FGD4: variants seen among roughly 807,000 people sequenced by gnomAD.
The protein encoded by FGD4 is FYVE, RhoGEF and PH domain-containing protein 4.
A neutral mutation model predicts 102.0 loss-of-function variants in FGD4; 42 were observed. The observed-to-expected ratio is 0.41, with a 90% CI of 0.32 to 0.53. The LOEUF (loss-of-function observed/expected upper bound fraction) is 0.53, where lower values mean the gene tolerates loss of function less well. Ranked by LOEUF, FGD4 falls within the 20% of genes least tolerant of loss-of-function variation. The probability of loss-of-function intolerance (pLI) is 0.21; values close to 1 mark genes in which losing one functional copy is unlikely to be tolerated. For missense variants in FGD4, 902 were observed against 1,078.2 expected, an observed-to-expected ratio of 0.84 and a Z score of 2.29; for synonymous variants, 380 against 375.7, an observed-to-expected ratio of 1.01 and a Z score of -0.13.
intron 1 of FGD4, among the ~76,000 whole-genome samples, chr12:32,527,752 A>G (rs1344997112): frequency 6.6e-6 from 1 of 151,960 alleles, no homozygotes; most frequent in Non-Finnish European, 1.5e-5. Flanking sequence ...TAATGTAGTA[A>G]GTCAACCACG....
intron 11 of FGD4, among the ~76,000 whole-genome samples, chr12:32,624,174 A>G (rs1197698292): frequency 6.6e-6 from 1 of 152,230 alleles, no homozygotes; most frequent in East Asian, 1.9e-4. Context: ...ATTAAACAGT[A>G]TATAAATGGA....
intron 1 of FGD4, among the ~76,000 whole-genome samples, chr12:32,563,734 T>TC (rs1000629730): frequency 1.3e-5 from 2 of 152,082 alleles, no homozygotes; most frequent in Admixed American, 6.5e-5. Context: ...TGAACCAGAC[T>TC]CCATCTGCAA....
Position 32,625,743 on chromosome 12 carries a change from G to A in FGD4, c.2136G>A (p.Leu712=). The part of the protein sequence containing the change: ...CMKCKEPFNA[L]TRRRHHCRAC... ...AATGTAAAGAACCTTTCAATGCACT[G>A]ACACGAAGGAGGCATCATTGTCGAG... is the stretch of plus-strand genomic sequence containing the variant. Residue 712 remains leucine, a synonymous_variant, in exon 14 of 17, where the codon CTG becomes CTA. Transcript: ENST00000534526. 2 of 1,614,006 alleles carry A rather than the reference G, an allele frequency of 1.2e-6. No homozygotes were observed. The highest frequency in any genetic ancestry group is 2.2e-5 in the East Asian group (1 of 44,870).
intron 14 of FGD4, among the ~76,000 whole-genome samples, chr12:32,630,202 A>G (rs1479326157): frequency 2.0e-5 from 3 of 152,226 alleles, no homozygotes; most frequent in African/African-American, 4.8e-5. Flanking sequence ...AACGTAAAGA[A>G]GCAAAGCATT....
intron 1 of FGD4, among the ~76,000 whole-genome samples, chr12:32,529,897 G>A (rs984240931): frequency 1.3e-5 from 2 of 151,244 alleles, no homozygotes; most frequent in Non-Finnish European, 2.9e-5. Context: ...AGTATGTTAG[G>A]TTAATTGGGA....
At position 32,640,928 on chromosome 12, in the gene FGD4, A is replaced by C; in HGVS notation, c.*395A>C. On this transcript the variant is annotated 3_prime_UTR_variant, in exon 17 of 17. Coordinates refer to ENST00000534526, the MANE Select transcript of FGD4 (RefSeq NM_001370298.3). ...GAAAGATATACCTCCATGTTGCCAA[A>C]ATAGATCCATGGTGAAAAATACAGG... The C allele has an allele frequency of 2.9e-6, 1 of 343,752 alleles. No individual in the cohort carries two copies. Among genetic ancestry groups the C allele is most frequent in the Non-Finnish European group, 5.3e-6 (1 of 188,038 alleles). 21.3% of individuals were successfully genotyped at this position (343,752 alleles called of 1,614,324 possible).
At chr12:32,472,614 G>A (rs1454812780) in intron 1 of FGD4, among the ~76,000 whole-genome samples, 4 of 152,228 alleles carry the variant, frequency 2.6e-5, no homozygotes, top group Non-Finnish European at 4.4e-5. Context: ...CCTCCCGGAC[G>A]AGCACCACCC....
At chr12:32,513,989 G>A (rs531063752) in intron 1 of FGD4, among the ~76,000 whole-genome samples, 1 of 152,256 alleles carries the variant, frequency 6.6e-6, no homozygotes, top group East Asian at 1.9e-4. Flanking sequence ...AAAGTAAAGT[G>A]TAACAATAAA....
intron 2 of FGD4, among the ~76,000 whole-genome samples, chr12:32,569,970 T>C (rs890521347): frequency 2.6e-5 from 4 of 152,020 alleles, no homozygotes; most frequent in African/African-American, 9.7e-5. Context: ...AAGCTGGGCG[T>C]GGTGGCTCAC....
intron 1 of FGD4, among the ~76,000 whole-genome samples, chr12:32,429,209 A>G (rs759652331): frequency 6.6e-6 from 1 of 152,068 alleles, no homozygotes; most frequent in African/African-American, 2.4e-5. Context: ...TGGGGTTTCT[A>G]TGTGAACATC....
At chr12:32,515,811 T>G (rs541921354) in intron 1 of FGD4, among the ~76,000 whole-genome samples, 1 of 152,356 alleles carries the variant, frequency 6.6e-6, no homozygotes, top group East Asian at 1.9e-4. Flanking sequence ...ATGTAGGTAC[T>G]TGTGTCTTTT....
In FGD4 at chr12:32,492,126, G is replaced by A. The variant is rs1343249666; in HGVS notation, c.167-72011G>A. Among the ~76,000 whole-genome samples, 3 of 152,298 alleles carry A rather than the reference G, an allele frequency of 2.0e-5. No homozygotes were observed. The South Asian group carries it at 6.2e-4, about 32-fold the overall frequency. ...ACCTGTAGGAGGAAACTGTACATCA[G>A]CTGAGAGGTCTTCTTTGAATCAGGT... On this transcript the variant is annotated intron_variant, in intron 1 of 16. Coordinates refer to ENST00000534526, the MANE Select transcript of FGD4 (RefSeq NM_001370298.3).
At chr12:32,435,902 A>G (rs1942213509) in intron 1 of FGD4, among the ~76,000 whole-genome samples, 1 of 152,226 alleles carries the variant, frequency 6.6e-6, no homozygotes, top group Non-Finnish European at 1.5e-5. Context: ...TGAGAACATA[A>G]CTAACCAATA....
chr12:32,503,546 T>C (rs918724887), intron 1 of FGD4, among the ~76,000 whole-genome samples: 4 of 152,236 alleles, frequency 2.6e-5, no homozygotes, highest in Non-Finnish European at 5.9e-5. Flanking sequence ...GTGTTAATTG[T>C]AGTTGACTTT....
chr12:32,563,438 G>A (rs989464598), intron 1 of FGD4, among the ~76,000 whole-genome samples: 1 of 151,960 alleles, frequency 6.6e-6, no homozygotes, highest in Admixed American at 6.5e-5. Context: ...GTTCCTAGAT[G>A]GGATGGCGGC....
chr12:32,530,247 C>T (rs551100605), intron 1 of FGD4, among the ~76,000 whole-genome samples: 1 of 152,258 alleles, frequency 6.6e-6, no homozygotes, highest in African/African-American at 2.4e-5. Context: ...CTTTGGGAGG[C>T]TGAGGCAGGC....
intron 1 of FGD4, among the ~76,000 whole-genome samples, chr12:32,433,895 C>CA (rs1942137466): frequency 6.6e-6 from 1 of 151,528 alleles, no homozygotes; most frequent in African/African-American, 2.4e-5. Context: ...CTTGCTCTGT[C>CA]GCCAGGCTGG....
In FGD4 at chr12:32,399,674, G is replaced by T; in HGVS notation, c.-120G>T. 1 of 1,449,348 alleles carries T rather than the reference G, an allele frequency of 6.9e-7. No homozygotes were observed. The highest frequency in any genetic ancestry group is 2.7e-5 in the East Asian group (1 of 36,732). The allele number at this position is 1,449,348 out of a possible 1,614,324, so 89.8% of individuals were successfully genotyped here. A position where few individuals can be genotyped will look rare whatever the true frequency, so the allele number is the denominator to read the frequency against. On this transcript the variant is annotated 5_prime_UTR_variant, in exon 1 of 17. Coordinates refer to ENST00000534526, the MANE Select transcript of FGD4 (RefSeq NM_001370298.3). ...AGGAGGCACTCGCTGAGGAGACGCC[G>T]CAGTAGAGGGCGCCCCCGGAGTCGC...
chr12:32,594,923 TGGG>T (rs1592337843), intron 4 of FGD4, among the ~76,000 whole-genome samples: 1 of 150,986 alleles, frequency 6.6e-6, no homozygotes, highest in Non-Finnish European at 1.5e-5. Flanking sequence ...GTCAGCTGCT[TGGG>T]GGGCTGAGGC....
Sources: gnomAD v4.1 joint callset for allele counts (sites outside exome capture counted in the v4.1 genomes callset) on GRCh38, gnomAD v4.1.1 for gene constraint, MANE v1.5 for transcripts, NCBI Gene and HGNC (gene_info 2026-07-23, HGNC 2026-07-21) for gene names.